PDGFC: variants seen among roughly 807,000 people sequenced by gnomAD.
The protein encoded by PDGFC is platelet derived growth factor C, also known as platelet-derived growth factor C.
A neutral mutation model predicts 35.5 loss-of-function variants in PDGFC; 12 were observed. The observed-to-expected ratio is 0.34, with a 90% CI of 0.22 to 0.55. PDGFC has a LOEUF of 0.55. Among genes scored for constraint, PDGFC ranks in the 20% least tolerant of loss-of-function variants. PDGFC has a pLI of 0.91. For synonymous variants in PDGFC, 159 were observed against 148.8 expected (o/e 1.07, Z -0.50); for missense variants, 322 against 412.4 (o/e 0.78, Z 1.90).
At chr4:156,818,643 C>T (rs1732161568) in intron 2 of PDGFC, among the ~76,000 whole-genome samples, 1 of 151,094 alleles carries the variant, frequency 6.6e-6, no homozygotes, top group South Asian at 2.1e-4. Flanking sequence ...GCCTCAGCCT[C>T]CCGAGTAGCT....
chr4:156,923,105 T>C (rs1731325834), intron 1 of PDGFC, among the ~76,000 whole-genome samples: 1 of 152,138 alleles, frequency 6.6e-6, no homozygotes, highest in Admixed American at 6.5e-5. Context: ...CAGCATATAC[T>C]CCAAACTGCT....
At chr4:156,969,308 T>C (rs181199862) in intron 1 of PDGFC, among the ~76,000 whole-genome samples, 10 of 152,330 alleles carry the variant, frequency 6.6e-5, no homozygotes, top group African/African-American at 2.4e-4. Flanking sequence ...CTTTGATCAC[T>C]TTCCCCCAGA....
intron 2 of PDGFC, among the ~76,000 whole-genome samples, chr4:156,844,770 C>G (rs978423949): frequency 6.6e-6 from 1 of 151,946 alleles, no homozygotes; most frequent in Admixed American, 6.6e-5. Context: ...TATGCATCAA[C>G]TAACATAATT....
intron 1 of PDGFC, among the ~76,000 whole-genome samples, chr4:156,947,330 A>AT (rs1731972085): frequency 6.6e-6 from 1 of 151,956 alleles, no homozygotes; most frequent in Non-Finnish European, 1.5e-5. Context: ...AAGACTCCAC[A>AT]TTTACTTTTC....
intron 1 of PDGFC, among the ~76,000 whole-genome samples, chr4:156,869,168 T>A (rs1729917082): frequency 6.6e-6 from 1 of 152,166 alleles, no homozygotes; most frequent in Non-Finnish European, 1.5e-5. Flanking sequence ...GTGCGGTGGC[T>A]CATGCCTGTA....
intron 3 of PDGFC, among the ~76,000 whole-genome samples, chr4:156,807,979 C>A (rs1338858600): frequency 6.6e-6 from 1 of 152,022 alleles, no homozygotes; most frequent in East Asian, 1.9e-4. Flanking sequence ...CTAATTCCCA[C>A]TCCTCACTGC....
intron 1 of PDGFC, among the ~76,000 whole-genome samples, chr4:156,931,866 T>C (rs1731557117): frequency 6.6e-6 from 1 of 152,202 alleles, no homozygotes; most frequent in African/African-American, 2.4e-5. Flanking sequence ...TAGTGGAATG[T>C]ACTTTTATCT....
intron 3 of PDGFC, among the ~76,000 whole-genome samples, chr4:156,780,392 C>T (rs572234221): frequency 6.6e-6 from 1 of 152,190 alleles, no homozygotes; most frequent in East Asian, 1.9e-4. Context: ...AGAATATATA[C>T]CTCAAACCCA....
chr4:156,938,278 A>G (rs1408330635), intron 1 of PDGFC, among the ~76,000 whole-genome samples: 1 of 152,030 alleles, frequency 6.6e-6, no homozygotes, highest in Admixed American at 6.6e-5. Flanking sequence ...TTCACTGTAG[A>G]GCAGATCCTA....
At chr4:156,770,251 A>T (rs1430667681) in intron 4 of PDGFC, 3 of 152,014 alleles carry the variant, frequency 2.0e-5, no homozygotes, top group African/African-American at 7.2e-5. Context: ...ATTTTTTTGT[A>T]GCAGTAGCAA....
chr4:156,796,506 T>A (rs1579014441), intron 3 of PDGFC, among the ~76,000 whole-genome samples: 1 of 150,816 alleles, frequency 6.6e-6, no homozygotes, highest in Non-Finnish European at 1.5e-5. Context: ...TTTTTTTTTT[T>A]TTTTTTTTTT....
chr4:156,921,273 A>G (rs920974252), intron 1 of PDGFC, among the ~76,000 whole-genome samples: 1 of 152,152 alleles, frequency 6.6e-6, no homozygotes, highest in African/African-American at 2.4e-5. Flanking sequence ...TGGCAGGGAG[A>G]TAAGGGGTGG....
At chr4:156,913,427 A>C (rs971970343) in intron 1 of PDGFC, among the ~76,000 whole-genome samples, 39 of 152,172 alleles carry the variant, frequency 2.6e-4, no homozygotes, top group African/African-American at 9.2e-4. Context: ...TATCCTGAAA[A>C]ACAGCTGAAT....
chr4:156,881,993 T>C (rs1276125012), intron 1 of PDGFC, among the ~76,000 whole-genome samples: 2 of 152,064 alleles, frequency 1.3e-5, no homozygotes, highest in Non-Finnish European at 1.5e-5. Context: ...TTTTACTTCC[T>C]AGTTTCAGGT....
intron 1 of PDGFC, among the ~76,000 whole-genome samples, chr4:156,861,775 C>A (rs1016656955): frequency 3.3e-4 from 51 of 152,272 alleles, no homozygotes; most frequent in African/African-American, 1.2e-3. Context: ...CTTGACTCTT[C>A]ATTCTTCCCA....
intron 1 of PDGFC, among the ~76,000 whole-genome samples, chr4:156,928,690 T>G (rs1267564921): frequency 6.6e-6 from 1 of 152,140 alleles, no homozygotes; most frequent in Non-Finnish European, 1.5e-5. Flanking sequence ...TTCAGTTTCT[T>G]TTTACCATTT....
intron 1 of PDGFC, among the ~76,000 whole-genome samples, chr4:156,955,222 C>G (rs1732179217): frequency 6.6e-6 from 1 of 152,004 alleles, no homozygotes; most frequent in Non-Finnish European, 1.5e-5. Flanking sequence ...CACTAACTCA[C>G]TTGGCTATTT....
chr4:156,968,352 C>T (rs1469065252), intron 1 of PDGFC, among the ~76,000 whole-genome samples: 2 of 152,066 alleles, frequency 1.3e-5, no homozygotes, highest in Admixed American at 1.3e-4. Flanking sequence ...ACAAACTGGG[C>T]CAATGGGATC....
chr4:156,823,752 A>C (rs1178883604), intron 2 of PDGFC, among the ~76,000 whole-genome samples: 1 of 152,180 alleles, frequency 6.6e-6, no homozygotes, highest in Non-Finnish European at 1.5e-5. Context: ...ATCCACTGCA[A>C]TCAATATGTC....
Sources: gnomAD v4.1 joint callset for allele counts (sites outside exome capture counted in the v4.1 genomes callset) on GRCh38, gnomAD v4.1.1 for gene constraint, MANE v1.5 for transcripts, NCBI Gene and HGNC (gene_info 2026-07-23, HGNC 2026-07-21) for gene names.